Variants in FGF12 observed in about 807,000 individuals in gnomAD.
The protein encoded by FGF12 is fibroblast growth factor 12B.
FGF12 carries 14 observed loss-of-function variants against 23.6 expected under a neutral mutation model. That is an observed-to-expected ratio of 0.59 (90% confidence interval 0.39 to 0.93). The LOEUF is 0.93. Among genes scored for constraint, FGF12 ranks in the 40% least tolerant of loss-of-function variants. The pLI is 0.00. For missense variants in FGF12, 175 were observed against 217.8 expected (o/e 0.80, Z 1.24); for synonymous variants, 62 against 77.3 (o/e 0.80, Z 1.04).
chr3:192,158,332 C>CTTTCTTTCTTTCTTTCT (rs1459698854), intron 5 of FGF12, among the ~76,000 whole-genome samples: 2,704 of 112,322 alleles, frequency 0.024, 100 homozygotes, highest in South Asian at 0.043. Context: ...TTCTTTCTTT[C>CTTTCTTTCTTTCTTTCT]TCTTTCTTTC....
intron 4 of FGF12, among the ~76,000 whole-genome samples, chr3:192,316,228 C>T (rs76599280): frequency 0.021 from 3,138 of 152,254 alleles, 98 homozygotes; most frequent in African/African-American, 0.071. Context: ...ACTCCAGCAG[C>T]TGTCCTCCCT....
intron 4 of FGF12, among the ~76,000 whole-genome samples, chr3:192,317,910 G>A (rs575869341): frequency 8.5e-5 from 13 of 152,246 alleles, no homozygotes; most frequent in African/African-American, 3.1e-4. Context: ...CATTTGCTTG[G>A]GGAAAAGTAA....
intron 2 of FGF12, among the ~76,000 whole-genome samples, chr3:192,554,488 C>T (rs184479594): frequency 5.8e-4 from 88 of 152,272 alleles, no homozygotes; most frequent in African/African-American, 2.0e-3. Flanking sequence ...AATTTATATG[C>T]ACAAGTCCAG....
At chr3:192,500,250 G>A (rs144261890) in intron 2 of FGF12, among the ~76,000 whole-genome samples, 4 of 152,244 alleles carry the variant, frequency 2.6e-5, no homozygotes, top group Non-Finnish European at 5.9e-5. Context: ...TTACACACCT[G>A]GAAGGATTTA....
chr3:192,281,958 T>G (rs1241905239), intron 4 of FGF12, among the ~76,000 whole-genome samples: 1 of 152,176 alleles, frequency 6.6e-6, no homozygotes, highest in Admixed American at 6.6e-5. Flanking sequence ...AATAACAGTG[T>G]AAATTAGAAA....
intron 2 of FGF12, among the ~76,000 whole-genome samples, chr3:192,458,636 T>G (rs1212714886): frequency 6.6e-6 from 1 of 152,218 alleles, no homozygotes; most frequent in Non-Finnish European, 1.5e-5. Flanking sequence ...TAGCTTGCTT[T>G]TGATTTTACA....
At chr3:192,502,335 C>T (rs1381268315) in intron 2 of FGF12, among the ~76,000 whole-genome samples, 2 of 152,188 alleles carry the variant, frequency 1.3e-5, no homozygotes, top group Non-Finnish European at 2.9e-5. Flanking sequence ...CTGCATTTGG[C>T]TGCCCTGTTT....
At chr3:192,253,177 C>A (rs60741842) in intron 4 of FGF12, among the ~76,000 whole-genome samples, 7,991 of 152,136 alleles carry the variant, frequency 0.053, 254 homozygotes, top group South Asian at 0.08. Context: ...TCTGAACTCA[C>A]CCTCTCAATT....
At chr3:192,551,321 G>C (rs1711523799) in intron 2 of FGF12, among the ~76,000 whole-genome samples, 1 of 152,260 alleles carries the variant, frequency 6.6e-6, no homozygotes, top group Non-Finnish European at 1.5e-5. Context: ...GCTAGAATTT[G>C]TGTGGCCAAG....
In FGF12 at chr3:192,373,098, GT is replaced by G. The variant is rs146953816; in HGVS notation, c.14-12561del. Among the ~76,000 whole-genome samples, 326 of 148,516 alleles carry G rather than the reference GT, an allele frequency of 2.2e-3. 2 individuals carry two copies. The highest frequency in any genetic ancestry group is 9.8e-3 in the South Asian group (46 of 4,698). ...TACAGATATTATCTGGCAGCACACTGTTTTTTTTTTCACCTCCCTTCATTGC... is the reference window on the plus strand; with the variant it reads ...TACAGATATTATCTGGCAGCACACTGTTTTTTTTTCACCTCCCTTCATTGC... On this transcript the variant is annotated intron_variant, in intron 2 of 5. Transcript: ENST00000445105.
At chr3:192,705,968 A>C (rs1312851078) in intron 2 of FGF12, among the ~76,000 whole-genome samples, 1 of 152,242 alleles carries the variant, frequency 6.6e-6, no homozygotes, top group Non-Finnish European at 1.5e-5. Context: ...ATTTAAAGTA[A>C]CTAGAGAATA....
intron 4 of FGF12, among the ~76,000 whole-genome samples, chr3:192,313,928 G>A (rs79994676): frequency 0.037 from 5,702 of 152,286 alleles, 341 homozygotes; most frequent in African/African-American, 0.13. Context: ...TCAATGTGAT[G>A]CAATCTGGAG....
At chr3:192,275,634 G>A (rs953401383) in intron 4 of FGF12, among the ~76,000 whole-genome samples, 1 of 152,226 alleles carries the variant, frequency 6.6e-6, no homozygotes, top group African/African-American at 2.4e-5. Flanking sequence ...AAACAATACA[G>A]GAAAACACAA....
intron 2 of FGF12, among the ~76,000 whole-genome samples, chr3:192,562,149 T>C (rs1412116637): frequency 1.3e-5 from 2 of 152,156 alleles, no homozygotes; most frequent in Non-Finnish European, 2.9e-5. Flanking sequence ...TTCAAAATAG[T>C]ATAGACTGAA....
chr3:192,165,438 A>G (rs1244053279), intron 5 of FGF12, among the ~76,000 whole-genome samples: 1 of 152,170 alleles, frequency 6.6e-6, no homozygotes, highest in African/African-American at 2.4e-5. Context: ...CTATGAAGGA[A>G]CATGGTTTTA....
intron 2 of FGF12, chr3:192,515,299 AGCACCC>A (rs1404023990): frequency 1.3e-5 from 2 of 151,744 alleles, no homozygotes; most frequent in African/African-American, 4.8e-5. Flanking sequence ...GCGGAAGGGA[AGCACCC>A]GCAGGGAGGG....
chr3:192,418,817 A>G (rs139342635), intron 2 of FGF12, among the ~76,000 whole-genome samples: 492 of 152,304 alleles, frequency 3.2e-3, no homozygotes, highest in African/African-American at 0.011. Flanking sequence ...CTCCCAAGCT[A>G]CGCTTCCTGT....
At chr3:192,327,114 C>A (rs1399069811) in intron 4 of FGF12, among the ~76,000 whole-genome samples, 2 of 152,184 alleles carry the variant, frequency 1.3e-5, no homozygotes. Flanking sequence ...AAGTCAAGCA[C>A]CTCACTAAGC....
chr3:192,650,320 A>G lies in FGF12; in HGVS notation c.13+76861T>C, dbSNP rs144140392. On this transcript the variant is annotated intron_variant, in intron 2 of 5. Coordinates refer to ENST00000445105, the MANE Select transcript of FGF12 (RefSeq NM_004113.6). ...CAAATTCTGCATTTCAGAGGTGTCT[A>G]CCGACTTACAACCACTTGAATATGC... Among the ~76,000 whole-genome samples, 1,252 of 152,304 alleles carry G rather than the reference A, an allele frequency of 8.2e-3. 21 individuals carry two copies. The highest frequency in any genetic ancestry group is 0.029 in the African/African-American group (1,220 of 41,568).
Sources: gnomAD v4.1 joint callset for allele counts (sites outside exome capture counted in the v4.1 genomes callset) on GRCh38, gnomAD v4.1.1 for gene constraint, MANE v1.5 for transcripts, NCBI Gene and HGNC (gene_info 2026-07-23, HGNC 2026-07-21) for gene names.